VTCN1: variants seen among roughly 807,000 people sequenced by gnomAD.
VTCN1 encodes V-set domain-containing T-cell activation inhibitor 1.
Under a neutral mutation model 26.5 loss-of-function variants are expected in VTCN1, and 26 were observed. That is an observed-to-expected ratio of 0.98 (90% CI 0.72 to 1.36). VTCN1 has a LOEUF of 1.36. Among genes scored for constraint, VTCN1 ranks in the 40% most tolerant of loss-of-function variants. VTCN1 has a pLI of 0.00. For synonymous variants in VTCN1, 116 were observed against 130.7 expected (o/e 0.89, Z 0.77); for missense variants, 298 against 337.7 (o/e 0.88, Z 0.92).
intron 1 of VTCN1, among the ~76,000 whole-genome samples, chr1:117,180,835 A>G (rs1647639022): frequency 6.6e-6 from 1 of 152,156 alleles, no homozygotes; most frequent in South Asian, 2.1e-4. Context: ...GCCCAGCCAT[A>G]GATAAGGGCA....
chr1:117,170,202 A>G, intron 1 of VTCN1, 31 bp from the exon 2 acceptor site: 3 of 1,602,342 alleles, frequency 1.9e-6, no homozygotes, highest in Non-Finnish European at 2.6e-6. Flanking sequence ...ACAGAAAATT[A>G]GTTCTCCATT....
chr1:117,175,565 T>C lies in VTCN1; in HGVS notation c.33-5394A>G, dbSNP rs1449480419. Among the ~76,000 whole-genome samples, 1 of 152,224 alleles carries C rather than the reference T, an allele frequency of 6.6e-6. No homozygotes were observed. Among genetic ancestry groups the C allele is most frequent in the Non-Finnish European group, 1.5e-5 (1 of 68,044 alleles). On this transcript the variant is annotated intron_variant, in intron 1 of 5. Coordinates refer to ENST00000369458, the MANE Select transcript of VTCN1 (RefSeq NM_024626.4). The surrounding 1 kb of genome is among the most constrained non-coding windows in gnomAD (Gnocchi z 4.2). Reference sequence around the variant, plus strand: ...TTTTCCCACTGAAGTTCTCATTCTATTCTGCTATTTCAACTCTCCTTGCTT... The same window carrying C: ...TTTTCCCACTGAAGTTCTCATTCTACTCTGCTATTTCAACTCTCCTTGCTT...
intron 2 of VTCN1, among the ~76,000 whole-genome samples, chr1:117,164,900 C>T (rs1032837313): frequency 3.3e-5 from 5 of 152,144 alleles, no homozygotes; most frequent in Non-Finnish European, 7.3e-5. Context: ...AATGGTCCAC[C>T]GCAAATGCAT....
rs187132350 is a variant in VTCN1 at position 117,196,482 on chromosome 1, T to C, written c.32+14342A>G. Among the ~76,000 whole-genome samples, 278 of 151,926 alleles carry C rather than the reference T, an allele frequency of 1.8e-3. 1 individual carries two copies. The highest frequency in any genetic ancestry group is 6.6e-3 in the African/African-American group (272 of 41,492). On this transcript the variant is annotated intron_variant, in intron 1 of 5. Coordinates refer to ENST00000369458, the MANE Select transcript of VTCN1 (RefSeq NM_024626.4). ...GTGGTTATCTCTAGGTTAGGACCGA[T>C]AGATATTTTTTTCCTTTGTGCTTTT...
chr1:117,170,185 G>T lies in VTCN1; in HGVS notation c.33-14C>A. On this transcript the variant is annotated splice_polypyrimidine_tract_variant and intron_variant, in intron 1 of 5. Coordinates refer to ENST00000369458, the MANE Select transcript of VTCN1 (RefSeq NM_024626.4). Reference sequence around the variant, plus strand: ...ATGCTAATTATGCTACGGGAAGAGAGAGAGAAACAGAAAATTAGTTCTCCA... The same window carrying T: ...ATGCTAATTATGCTACGGGAAGAGATAGAGAAACAGAAAATTAGTTCTCCA... 1 of 1,612,486 alleles carries T rather than the reference G, an allele frequency of 6.2e-7. No homozygotes were observed.
At chr1:117,208,694 G>A (rs996867965) in intron 1 of VTCN1, among the ~76,000 whole-genome samples, 7 of 152,204 alleles carry the variant, frequency 4.6e-5, no homozygotes, top group African/African-American at 1.2e-4. Flanking sequence ...GGGGAGAGGG[G>A]AGGAGGGTTC....
chr1:117,157,209 C>G lies in VTCN1; in HGVS notation c.98-288G>C, dbSNP rs577028532. Reference sequence around the variant, plus strand: ...GGGGTTTGAAGATGAAAATTCAAGTCTTGGCTTTGTCACTTAATAGCCATG... The same window carrying G: ...GGGGTTTGAAGATGAAAATTCAAGTGTTGGCTTTGTCACTTAATAGCCATG... On this transcript the variant is annotated intron_variant, in intron 2 of 5. Transcript: ENST00000369458. Among the ~76,000 whole-genome samples the G allele has an allele frequency of 1.4e-4, 22 of 151,752 alleles. 1 individual carries two copies. The highest frequency in any genetic ancestry group is 2.6e-4 in the Non-Finnish European group (18 of 67,976).
At chr1:117,179,030 C>A (rs533827328) in intron 1 of VTCN1, among the ~76,000 whole-genome samples, 1 of 152,228 alleles carries the variant, frequency 6.6e-6, no homozygotes, top group East Asian at 1.9e-4. Context: ...AATGTAGTGG[C>A]GGTACAATAG....
chr1:117,160,332 T>C (rs1250149932), intron 2 of VTCN1, among the ~76,000 whole-genome samples: 2 of 152,216 alleles, frequency 1.3e-5, no homozygotes, highest in African/African-American at 2.4e-5. Flanking sequence ...AAGCCCAACA[T>C]AACGGGTCCT....
At chr1:117,199,938 G>A (rs1648712898) in intron 1 of VTCN1, among the ~76,000 whole-genome samples, 1 of 152,148 alleles carries the variant, frequency 6.6e-6, no homozygotes, top group East Asian at 1.9e-4. Flanking sequence ...CCAGCCTGCA[G>A]GGATTCTTTT....
rs543246788 is a variant in VTCN1, at chr1:117,188,377, G to A, written c.33-18206C>T. Among the ~76,000 whole-genome samples the A allele has an allele frequency of 2.8e-4, 43 of 152,236 alleles. 1 individual carries two copies. In the South Asian group the frequency reaches 6.9e-3, roughly 24 times the overall value. On this transcript the variant is annotated intron_variant, in intron 1 of 5. Coordinates refer to ENST00000369458, the MANE Select transcript of VTCN1 (RefSeq NM_024626.4). ...GGAGTCCTCACCAATAGGAATAACC[G>A]GGAGAGGGAACTGAGCAGTGAGAGT...
intron 3 of VTCN1, among the ~76,000 whole-genome samples, chr1:117,154,192 C>T (rs1482960723): frequency 3.3e-5 from 5 of 152,222 alleles, no homozygotes; most frequent in East Asian, 3.9e-4. Context: ...GACTCATGCT[C>T]GGAGCAGGCA....
At chr1:117,198,624 A>C (rs1029532854) in intron 1 of VTCN1, among the ~76,000 whole-genome samples, 2 of 152,150 alleles carry the variant, frequency 1.3e-5, no homozygotes, top group Non-Finnish European at 2.9e-5. Context: ...TCCTGCATCC[A>C]CATCAGCACC....
chr1:117,169,569 G>A lies in VTCN1; in HGVS notation c.97+538C>T, dbSNP rs1652788268. ...CTCATTTGATTATCTCAACTAACTG[G>A]TGATGTTGACAGTATCTCCCCACTC... On this transcript the variant is annotated intron_variant, in intron 2 of 5. Transcript: ENST00000369458. This position sits in a 1 kb window ranked among gnomAD's most constrained non-coding sequence, Gnocchi z 4.0. 2.0e-5 allele frequency among the ~76,000 whole-genome samples: 3 copies of A among 152,254 alleles called. No individual in the cohort carries two copies. The Middle Eastern group carries it at 0.01, about 521-fold the overall frequency.
intron 4 of VTCN1, among the ~76,000 whole-genome samples, chr1:117,151,421 T>C (rs1651787092): frequency 6.6e-6 from 1 of 152,150 alleles, no homozygotes; most frequent in South Asian, 2.1e-4. Flanking sequence ...AGATTTATTG[T>C]GAACAGCAAA....
At chr1:117,194,035 G>A (rs1648387173) in intron 1 of VTCN1, among the ~76,000 whole-genome samples, 1 of 152,058 alleles carries the variant, frequency 6.6e-6, no homozygotes, top group African/African-American at 2.4e-5. Context: ...CTTCAAACTA[G>A]AAATCTTCTG....
chr1:117,203,585 C>A, intron 1 of VTCN1: 4 of 984,854 alleles, frequency 4.1e-6, no homozygotes, highest in Non-Finnish European at 4.8e-6. Context: ...GTGAAAAGCG[C>A]ACACAGAGAG....
At position 117,159,384 on chromosome 1, in the gene VTCN1, C is replaced by G. The variant is rs147879538; in HGVS notation, c.98-2463G>C. 0.027 allele frequency among the ~76,000 whole-genome samples: 4,053 copies of G among 152,226 alleles called. 172 individuals carry two copies. Among genetic ancestry groups the G allele is most frequent in the African/African-American group, 0.093 (3,854 of 41,522 alleles). Reference sequence around the variant, plus strand: ...ATGAGAAAGATGCAAAAGCAGAAACCCCTGATAAAACCATAAGATCTTGTG... The same window carrying G: ...ATGAGAAAGATGCAAAAGCAGAAACGCCTGATAAAACCATAAGATCTTGTG... On this transcript the variant is annotated intron_variant, in intron 2 of 5. Transcript: ENST00000369458. The surrounding 1 kb of genome is among the most constrained non-coding windows in gnomAD (Gnocchi z 4.7).
intron 2 of VTCN1, among the ~76,000 whole-genome samples, chr1:117,164,636 T>C (rs564157217): frequency 1.3e-5 from 2 of 152,346 alleles, no homozygotes; most frequent in South Asian, 4.1e-4. Context: ...CTGCCTATTT[T>C]ACCAATGAGG....
Sources: gnomAD v4.1 joint callset for allele counts (sites outside exome capture counted in the v4.1 genomes callset) on GRCh38, gnomAD v4.1.1 for gene constraint, Gnocchi (gnomAD v3.1) non-coding constraint, MANE v1.5 for transcripts, NCBI Gene and HGNC (gene_info 2026-07-23, HGNC 2026-07-21) for gene names.